Variants in ADAMTSL3 observed in about 807,000 individuals in gnomAD.
The protein encoded by ADAMTSL3 is ADAMTS like 3.
ADAMTSL3 carries 128 observed loss-of-function variants against 201.7 expected under a neutral mutation model. The ratio of observed to expected loss-of-function variants is 0.63; its 90% confidence interval spans 0.55 to 0.73. The LOEUF is 0.73. ADAMTSL3 is among the 30% of genes least tolerant of loss of function. The pLI is 0.00. For missense variants in ADAMTSL3, 1,990 were observed against 2,119.6 expected (o/e 0.94, Z 1.20); for synonymous variants, 738 against 748.4 (o/e 0.99, Z 0.23).
At chr15:83,876,607 T>C (rs1457476749) in intron 9 of ADAMTSL3, among the ~76,000 whole-genome samples, 2 of 152,082 alleles carry the variant, frequency 1.3e-5, no homozygotes, top group Non-Finnish European at 2.9e-5. Flanking sequence ...CTTCTTTTTG[T>C]TGTTGTTTGT....
chr15:83,662,351 C>G (rs1231730519), intron 2 of ADAMTSL3, among the ~76,000 whole-genome samples: 1 of 138,684 alleles, frequency 7.2e-6, no homozygotes, highest in Non-Finnish European at 1.5e-5. Flanking sequence ...CATATTCTCA[C>G]TCATAGGTGG....
intron 9 of ADAMTSL3, 113 bp downstream of exon 9, chr15:83,871,072 C>T: frequency 8.5e-7 from 1 of 1,173,350 alleles, no homozygotes; most frequent in Non-Finnish European, 1.2e-6. Context: ...TTATACAGAG[C>T]ATGTGTCATC....
chr15:83,970,875 A>G (rs938878862), intron 20 of ADAMTSL3, among the ~76,000 whole-genome samples: 1 of 152,338 alleles, frequency 6.6e-6, no homozygotes, highest in African/African-American at 2.4e-5. Flanking sequence ...AGGCTTCCTC[A>G]TTTGGATTTA....
rs149710156 is a variant in ADAMTSL3, at chr15:83,858,802, G to A, written c.764G>A (p.Arg255Gln). The change falls in exon 8 of 30, where the codon CGA becomes CAA. Residue 255 changes from arginine (R) to glutamine (Q), a missense_variant. Transcript: ENST00000286744. The part of the protein sequence containing the change: ...ENVIAVPLGS[R>Q]SVRITVKGPA... ...GTAATTGCTGTTCCTTTGGGAAGTCGAAGTGTGAGAATTACAGTGAAAGGA... is the reference window on the plus strand; with the variant it reads ...GTAATTGCTGTTCCTTTGGGAAGTCAAAGTGTGAGAATTACAGTGAAAGGA... The A allele has an allele frequency of 8.6e-5, 139 of 1,613,730 alleles. No homozygotes were observed. Among genetic ancestry groups the A allele is most frequent in the Non-Finnish European group, 1.0e-4 (122 of 1,179,832 alleles).
chr15:83,861,293 G>A (rs2064852561), intron 8 of ADAMTSL3, among the ~76,000 whole-genome samples: 1 of 152,188 alleles, frequency 6.6e-6, no homozygotes, highest in African/African-American at 2.4e-5. Context: ...GAGAGTAGTG[G>A]TTCTCCCAGC....
chr15:83,829,586 T>G (rs1327640725), intron 6 of ADAMTSL3, among the ~76,000 whole-genome samples: 1 of 152,220 alleles, frequency 6.6e-6, no homozygotes, highest in Non-Finnish European at 1.5e-5. Context: ...ATGTGCTTGC[T>G]CTTGCTTCTC....
intron 20 of ADAMTSL3, among the ~76,000 whole-genome samples, chr15:83,973,611 T>C (rs1386126668): frequency 6.6e-6 from 1 of 152,228 alleles, no homozygotes; most frequent in Non-Finnish European, 1.5e-5. Context: ...AAGAATGCCC[T>C]AGAAATTCAC....
intron 17 of ADAMTSL3, among the ~76,000 whole-genome samples, chr15:83,935,930 ATTATG>A (rs1438236241): frequency 5.3e-5 from 8 of 152,086 alleles, no homozygotes; most frequent in African/African-American, 1.9e-4. Flanking sequence ...ATTTACTAAT[ATTATG>A]TTAAGTATTC....
At chr15:83,933,157 C>T (rs989322605) in intron 17 of ADAMTSL3, among the ~76,000 whole-genome samples, 2 of 151,890 alleles carry the variant, frequency 1.3e-5, no homozygotes, top group African/African-American at 2.4e-5. Context: ...CTGGAGTAAA[C>T]AGGTAAAATG....
At chr15:83,732,380 G>A (rs902714083) in intron 3 of ADAMTSL3, among the ~76,000 whole-genome samples, 2 of 152,078 alleles carry the variant, frequency 1.3e-5, no homozygotes, top group Non-Finnish European at 2.9e-5. Context: ...TGTCAGATAA[G>A]TGAGTCAACA....
chr15:83,926,397 C>T (rs1164681469), intron 17 of ADAMTSL3, among the ~76,000 whole-genome samples: 1 of 152,144 alleles, frequency 6.6e-6, no homozygotes, highest in Non-Finnish European at 1.5e-5. Context: ...TGAAGTGGTA[C>T]ATCAGATTTA....
intron 3 of ADAMTSL3, among the ~76,000 whole-genome samples, chr15:83,708,515 A>G (rs2061885580): frequency 6.6e-6 from 1 of 152,160 alleles, no homozygotes; most frequent in African/African-American, 2.4e-5. Flanking sequence ...GGCAGCTTCT[A>G]GTGAAGAAAG....
intron 3 of ADAMTSL3, among the ~76,000 whole-genome samples, chr15:83,730,141 G>A (rs910865480): frequency 3.9e-5 from 6 of 152,088 alleles, no homozygotes; most frequent in Admixed American, 2.6e-4. Flanking sequence ...AACAGGCAAC[G>A]AAGTGGAGTT....
intron 7 of ADAMTSL3, among the ~76,000 whole-genome samples, chr15:83,854,015 T>TA (rs1194476068): frequency 2.4e-4 from 37 of 152,150 alleles, no homozygotes; most frequent in Non-Finnish European, 4.7e-4. Context: ...TCACAACACT[T>TA]ACTTCTAAGT....
intron 3 of ADAMTSL3, among the ~76,000 whole-genome samples, chr15:83,772,746 C>A (rs1185272340): frequency 6.7e-6 from 1 of 149,076 alleles, no homozygotes; most frequent in Admixed American, 6.7e-5. Context: ...TGCTCTGCTG[C>A]CCAGGCTGGA....
chr15:84,014,789 TTTG>T (rs2068062052), intron 24 of ADAMTSL3, 65 bp downstream of exon 24: 1 of 1,470,710 alleles, frequency 6.8e-7, no homozygotes, highest in African/African-American at 1.4e-5. Flanking sequence ...AGGCCCCAGT[TTTG>T]TTGATTTTGG....
intron 4 of ADAMTSL3, among the ~76,000 whole-genome samples, chr15:83,794,408 A>G (rs948283415): frequency 1.3e-5 from 2 of 152,214 alleles, no homozygotes; most frequent in Non-Finnish European, 2.9e-5. Context: ...AACAATCCCA[A>G]TGCCCTTTAG....
chr15:83,913,950 A>G (rs1257408163), intron 16 of ADAMTSL3, among the ~76,000 whole-genome samples: 1 of 152,220 alleles, frequency 6.6e-6, no homozygotes, highest in African/African-American at 2.4e-5. Flanking sequence ...GATGATTTAT[A>G]CAATCTAGGA....
At chr15:83,811,561 T>C (rs1209954763) in intron 5 of ADAMTSL3, among the ~76,000 whole-genome samples, 1 of 152,192 alleles carries the variant, frequency 6.6e-6, no homozygotes, top group Non-Finnish European at 1.5e-5. Flanking sequence ...GGTTAGGACT[T>C]TGGTATACTC....
Sources: gnomAD v4.1 joint callset for allele counts (sites outside exome capture counted in the v4.1 genomes callset) on GRCh38, gnomAD v4.1.1 for gene constraint, MANE v1.5 for transcripts, NCBI Gene and HGNC (gene_info 2026-07-23, HGNC 2026-07-21) for gene names.